FUT9: variants seen among roughly 807,000 people sequenced by gnomAD.
The protein encoded by FUT9 is 4-galactosyl-N-acetylglucosaminide 3-alpha-L-fucosyltransferase 9.
Under a neutral mutation model 29.7 loss-of-function variants are expected in FUT9, and 15 were observed. The observed-to-expected ratio is 0.51, with a 90% CI of 0.34 to 0.78. FUT9 has a LOEUF of 0.78. FUT9 is among the 30% of genes least tolerant of loss of function. FUT9 has a pLI of 0.01. For missense variants in FUT9, 319 were observed against 425.4 expected (o/e 0.75, Z 2.20); for synonymous variants, 169 against 153.7 (o/e 1.10, Z -0.74).
intron 1 of FUT9, among the ~76,000 whole-genome samples, chr6:96,069,111 T>C (rs964684711): frequency 3.3e-4 from 50 of 152,030 alleles, no homozygotes; most frequent in Admixed American, 2.0e-4. Flanking sequence ...GGTCAGAAGT[T>C]CAAGACTAGC....
At chr6:96,148,831 C>T (rs575506664) in intron 2 of FUT9, among the ~76,000 whole-genome samples, 79 of 152,216 alleles carry the variant, frequency 5.2e-4, no homozygotes, top group South Asian at 1.0e-3. Flanking sequence ...TCTTATGTGA[C>T]CCTGGCTTAA....
chr6:96,203,031 C>A, intron 2 of FUT9, 117 bp from the exon 3 acceptor site: 1 of 723,592 alleles, frequency 1.4e-6, no homozygotes, highest in Non-Finnish European at 2.2e-6. Context: ...AAGGAAAATG[C>A]AGTTGATTAC....
intron 1 of FUT9, among the ~76,000 whole-genome samples, chr6:96,075,189 G>A (rs1411236719): frequency 1.3e-5 from 2 of 152,100 alleles, no homozygotes; most frequent in African/African-American, 2.4e-5. Context: ...CTAGCAGAAA[G>A]CTACTATAGC....
intron 2 of FUT9, among the ~76,000 whole-genome samples, chr6:96,158,077 C>T (rs924330781): frequency 4.6e-5 from 7 of 152,138 alleles, no homozygotes; most frequent in African/African-American, 1.7e-4. Context: ...TTTTAATTAG[C>T]ACTTTTGCAA....
chr6:96,037,427 A>G (rs1337967495), intron 1 of FUT9: 3 of 152,096 alleles, frequency 2.0e-5, no homozygotes, highest in African/African-American at 4.8e-5. Flanking sequence ...AAATTTAATA[A>G]TGAAAGAACA....
At chr6:96,061,444 A>G (rs969097328) in intron 1 of FUT9, among the ~76,000 whole-genome samples, 1 of 151,088 alleles carries the variant, frequency 6.6e-6, no homozygotes, top group Non-Finnish European at 1.5e-5. Flanking sequence ...AAACGCTTTC[A>G]TTCTTTGTAT....
At chr6:96,155,695 A>AAAAAGAAAAGAAAG (rs1772770943) in intron 2 of FUT9, among the ~76,000 whole-genome samples, 1 of 151,872 alleles carries the variant, frequency 6.6e-6, no homozygotes, top group Non-Finnish European at 1.5e-5. Context: ...GGAAAGAAAG[A>AAAAAGAAAAGAAAG]AAAAGAAAAG....
At chr6:96,118,101 A>T (rs1771945420) in intron 2 of FUT9, among the ~76,000 whole-genome samples, 1 of 151,842 alleles carries the variant, frequency 6.6e-6, no homozygotes, top group Admixed American at 6.6e-5. Flanking sequence ...GCTACTGGGA[A>T]GGCTGAGGCA....
chr6:96,045,839 T>A (rs764839328), intron 1 of FUT9, among the ~76,000 whole-genome samples: 2 of 152,188 alleles, frequency 1.3e-5, no homozygotes, highest in African/African-American at 4.8e-5. Flanking sequence ...TGGCGGGTAC[T>A]TTTTTGCAGT....
intron 2 of FUT9, among the ~76,000 whole-genome samples, chr6:96,140,967 T>C (rs1372542087): frequency 6.6e-6 from 1 of 152,246 alleles, no homozygotes; most frequent in Non-Finnish European, 1.5e-5. Context: ...ACCTTAGAAC[T>C]AGGTAATAAT....
At chr6:96,063,520 G>T (rs1406468561) in intron 1 of FUT9, among the ~76,000 whole-genome samples, 1 of 152,058 alleles carries the variant, frequency 6.6e-6, no homozygotes, top group African/African-American at 2.4e-5. Flanking sequence ...GGGCATTCGG[G>T]GGCATGATCC....
chr6:96,058,468 CAA>C (rs3079049), intron 1 of FUT9, among the ~76,000 whole-genome samples: 76 of 77,152 alleles, frequency 9.9e-4, no homozygotes, highest in African/African-American at 1.5e-3. Flanking sequence ...GGCTTTATTC[CAA>C]AAAAAAAAAA....
Position 96,214,912 on chromosome 6 carries a change from A to G in FUT9, c.*10677A>G, listed in dbSNP as rs56142608. On this transcript the variant is annotated 3_prime_UTR_variant, in exon 3 of 3. Transcript: ENST00000302103. ...GTTAGTATAATGATAAGAAAAATTG[A>G]CTGTAGCTATTATTCCAAGTGAAAA... 1,964 of 167,102 alleles carry G rather than the reference A, an allele frequency of 0.012. 12 individuals are homozygous for G. Among genetic ancestry groups the G allele is most frequent in the Non-Finnish European group, 0.021 (1,432 of 68,056 alleles). 10.4% of individuals were successfully genotyped at this position (167,102 alleles called of 1,614,324 possible). A position where few individuals can be genotyped will look rare whatever the true frequency, so the allele number is the denominator to read the frequency against.
intron 2 of FUT9, among the ~76,000 whole-genome samples, chr6:96,173,495 C>A (rs1021020944): frequency 6.6e-6 from 1 of 152,048 alleles, no homozygotes; most frequent in African/African-American, 2.4e-5. Flanking sequence ...CGTCATATGA[C>A]CTTGCCTCTT....
chr6:96,140,101 A>T (rs991243435), intron 2 of FUT9, among the ~76,000 whole-genome samples: 2 of 152,116 alleles, frequency 1.3e-5, no homozygotes, highest in African/African-American at 4.8e-5. Flanking sequence ...ACCCTAAATT[A>T]TCTCTCTTAA....
At chr6:96,071,826 G>A (rs1011244643) in intron 1 of FUT9, among the ~76,000 whole-genome samples, 5 of 151,784 alleles carry the variant, frequency 3.3e-5, no homozygotes, top group Admixed American at 1.3e-4. Flanking sequence ...GTAGAGACAG[G>A]GTTCCACTAT....
At chr6:96,067,447 TG>T (rs1240906728) in intron 1 of FUT9, among the ~76,000 whole-genome samples, 1 of 152,108 alleles carries the variant, frequency 6.6e-6, no homozygotes, top group Non-Finnish European at 1.5e-5. Flanking sequence ...AACATAGGAA[TG>T]ACGGAGTCAC....
chr6:96,176,803 A>T (rs1773212719), intron 2 of FUT9, among the ~76,000 whole-genome samples: 1 of 152,086 alleles, frequency 6.6e-6, no homozygotes, highest in South Asian at 2.1e-4. Flanking sequence ...GAAGGGCACT[A>T]TGTGGAGCTG....
intron 2 of FUT9, among the ~76,000 whole-genome samples, chr6:96,199,270 G>A (rs1773685746): frequency 6.6e-6 from 1 of 152,104 alleles, no homozygotes. Context: ...TTTTAGTCAT[G>A]AGGAATAGGT....
Sources: allele counts gnomAD v4.1 joint callset (sites outside exome capture counted in the v4.1 genomes callset), GRCh38; gene constraint gnomAD v4.1.1; transcripts MANE v1.5; gene names NCBI Gene and HGNC (gene_info 2026-07-23, HGNC 2026-07-21).